The following ZNG1B variants were observed in gnomAD, a reference collection of about 807,000 sequenced individuals.
ZNG1B encodes the protein Zn regulated GTPase metalloprotein activator 1B.
At chr2:113,443,160 A>G in the ZNG1B span, among the ~76,000 whole-genome samples, 1 of 151,802 alleles carries the variant, frequency 6.6e-6, no homozygotes, top group Non-Finnish European at 1.5e-5. Flanking sequence ...AGTAGAGATG[A>G]GGTTTCATTG....
chr2:113,488,550 G>T, the ZNG1B span, among the ~76,000 whole-genome samples: 1 of 151,306 alleles, frequency 6.6e-6, no homozygotes, highest in African/African-American at 2.4e-5. Flanking sequence ...GAATTCACTA[G>T]GTTGGTTATT....
the ZNG1B span, chr2:113,462,940 TTC>T: frequency 5.9e-6 from 1 of 170,902 alleles, no homozygotes; most frequent in Admixed American, 6.5e-5. Flanking sequence ...ATACAGCCTA[TTC>T]TGTCTCTCCC....
chr2:113,473,998 T>C, the ZNG1B span, among the ~76,000 whole-genome samples: 1 of 151,244 alleles, frequency 6.6e-6, no homozygotes, highest in Admixed American at 6.6e-5. Context: ...GATGCTGGCC[T>C]CATAAAATGA....
At chr2:113,445,054 A>G in the ZNG1B span, 402 of 1,609,186 alleles carry the variant, frequency 2.5e-4, 1 homozygote, top group Non-Finnish European at 3.6e-5. Flanking sequence ...TGGCAGACCC[A>G]GGTAAGAAGT....
At chr2:113,472,741 G>A in the ZNG1B span, among the ~76,000 whole-genome samples, 1 of 151,624 alleles carries the variant, frequency 6.6e-6, no homozygotes, top group Non-Finnish European at 1.5e-5. Context: ...ATTAAATAGG[G>A]AATCCTTTCC....
the ZNG1B span, among the ~76,000 whole-genome samples, chr2:113,471,315 T>C: frequency 6.6e-6 from 1 of 152,214 alleles, no homozygotes; most frequent in Non-Finnish European, 1.5e-5. Context: ...TAGTTAACTT[T>C]AGAGGCTAAT....
At chr2:113,494,192 TA>T in the ZNG1B span, 1 of 827,808 alleles carries the variant, frequency 1.2e-6, no homozygotes, top group Non-Finnish European at 1.7e-6. Context: ...CAACTTTCTT[TA>T]GGGTTGCAGC....
At chr2:113,450,601 T>C in the ZNG1B span, among the ~76,000 whole-genome samples, 1 of 136,742 alleles carries the variant, frequency 7.3e-6, no homozygotes, top group Non-Finnish European at 1.5e-5. Flanking sequence ...TTAGTTTTTA[T>C]TGGGTTATGT....
chr2:113,473,256 T>C, the ZNG1B span, among the ~76,000 whole-genome samples: 1 of 151,368 alleles, frequency 6.6e-6, no homozygotes, highest in Admixed American at 6.6e-5. Context: ...CAATTGTGAA[T>C]GGGAGTTCAC....
the ZNG1B span, chr2:113,470,660 A>C: frequency 3.8e-6 from 1 of 261,306 alleles, no homozygotes; most frequent in African/African-American, 2.3e-5. Context: ...AAATACAAAA[A>C]TTGCAGAGGT....
chr2:113,450,301 T>C, the ZNG1B span, among the ~76,000 whole-genome samples: 1 of 143,284 alleles, frequency 7.0e-6, no homozygotes, highest in African/African-American at 2.6e-5. Flanking sequence ...TTTCTTTTGT[T>C]GTTCGTATGT....
At chr2:113,484,689 C>T in the ZNG1B span, among the ~76,000 whole-genome samples, 5 of 151,346 alleles carry the variant, frequency 3.3e-5, no homozygotes, top group East Asian at 7.8e-4. Context: ...AGTCTCGCTC[C>T]GGCTGGAGTC....
the ZNG1B span, among the ~76,000 whole-genome samples, chr2:113,456,807 T>C: frequency 6.6e-6 from 1 of 152,170 alleles, no homozygotes; most frequent in African/African-American, 2.4e-5. Context: ...GTCCAATTCC[T>C]CTGGTTGCAA....
At chr2:113,439,665 A>T in the ZNG1B span, among the ~76,000 whole-genome samples, 1 of 152,124 alleles carries the variant, frequency 6.6e-6, no homozygotes, top group Non-Finnish European at 1.5e-5. Context: ...CAGCCTGCCA[A>T]ATTGGCCCCG....
At chr2:113,439,054 A>C in the ZNG1B span, 3 of 1,540,274 alleles carry the variant, frequency 1.9e-6, no homozygotes, top group Non-Finnish European at 2.6e-6. Context: ...AAGATGAACA[A>C]ATTTCTTGTC....
At chr2:113,472,093 T>C in the ZNG1B span, among the ~76,000 whole-genome samples, 24,331 of 125,758 alleles carry the variant, frequency 0.19, 2,949 homozygotes, top group East Asian at 0.43. Context: ...AGTTTACAGT[T>C]CCGCCAACAG....
At chr2:113,443,656 T>A in the ZNG1B span, 1 of 870,454 alleles carries the variant, frequency 1.1e-6, no homozygotes, top group Non-Finnish European at 1.8e-6. Context: ...AGAATATAAG[T>A]TATAAAATGC....
the ZNG1B span, among the ~76,000 whole-genome samples, chr2:113,472,367 T>C: frequency 1.8e-4 from 27 of 152,060 alleles, no homozygotes; most frequent in Non-Finnish European, 1.2e-4. Context: ...TTGAGTTCAT[T>C]GTAGATTCTG....
the ZNG1B span, among the ~76,000 whole-genome samples, chr2:113,472,558 C>T: frequency 6.6e-6 from 1 of 151,872 alleles, no homozygotes; most frequent in Non-Finnish European, 1.5e-5. Context: ...GAAGTCCTTG[C>T]CCATGCCTAT....
Sources: allele counts gnomAD v4.1 joint callset (sites outside exome capture counted in the v4.1 genomes callset), GRCh38; gene constraint gnomAD v4.1.1; transcripts MANE v1.5; gene names NCBI Gene and HGNC (gene_info 2026-07-23, HGNC 2026-07-21).